The following MED12L variants were observed in gnomAD, a reference collection of about 807,000 sequenced individuals.
The protein encoded by MED12L is mediator of RNA polymerase II transcription subunit 12-like protein.
Under a neutral mutation model 281.3 loss-of-function variants are expected in MED12L, and 60 were observed. The ratio of observed to expected loss-of-function variants is 0.21; its 90% CI spans 0.17 to 0.26. The LOEUF (loss-of-function observed/expected upper bound fraction) is 0.26. MED12L is among the 10% of genes least tolerant of loss of function. The probability of loss-of-function intolerance (pLI) is 1.00; values close to 1 mark genes in which losing one functional copy is unlikely to be tolerated. For missense variants in MED12L, 2,146 were observed against 2,680.9 expected (o/e 0.80, Z 4.41); for synonymous variants, 974 against 987.2 (o/e 0.99, Z 0.25).
chr3:151,208,314 A>G (rs1212986053), intron 16 of MED12L, among the ~76,000 whole-genome samples: 1 of 152,228 alleles, frequency 6.6e-6, no homozygotes, highest in Non-Finnish European at 1.5e-5. Context: ...TCCTTTAGAA[A>G]GATAATGGTT....
intron 16 of MED12L, among the ~76,000 whole-genome samples, chr3:151,299,345 C>CTTCTTTCT: frequency 7.0e-6 from 1 of 142,132 alleles, no homozygotes; most frequent in East Asian, 2.1e-4. Flanking sequence ...TCTTTCTTTC[C>CTTCTTTCT]TTCCTTCCTT....
chr3:151,092,477 A>G (rs541358916), intron 2 of MED12L, among the ~76,000 whole-genome samples: 1 of 152,248 alleles, frequency 6.6e-6, no homozygotes, highest in Non-Finnish European at 1.5e-5. Flanking sequence ...GAAGAAATTA[A>G]TAAATGCAGA....
At chr3:151,387,205 T>C (rs1159478687) in intron 36 of MED12L, among the ~76,000 whole-genome samples, 1 of 151,974 alleles carries the variant, frequency 6.6e-6, no homozygotes, top group Non-Finnish European at 1.5e-5. Flanking sequence ...TAACCGTTTT[T>C]TTTTTTCTAG....
intron 16 of MED12L, among the ~76,000 whole-genome samples, chr3:151,309,838 G>A (rs1030544628): frequency 6.6e-5 from 10 of 152,284 alleles, no homozygotes; most frequent in Admixed American, 4.6e-4. Context: ...ATGGAATTTG[G>A]CCTCCTCTCT....
chr3:151,371,969 T>C (rs1247419257), intron 26 of MED12L, among the ~76,000 whole-genome samples: 1 of 152,228 alleles, frequency 6.6e-6, no homozygotes, highest in Non-Finnish European at 1.5e-5. Flanking sequence ...TTCTAATTTG[T>C]ATGTTACAGA....
At chr3:151,328,007 T>G (rs1445262301) in intron 16 of MED12L, 1 of 1,574,776 alleles carries the variant, frequency 6.4e-7, no homozygotes, top group African/African-American at 1.4e-5. Flanking sequence ...TAAGGTTATG[T>G]TGTCTGTCTG....
intron 16 of MED12L, among the ~76,000 whole-genome samples, chr3:151,238,188 C>A (rs1559919110): frequency 6.7e-6 from 1 of 149,958 alleles, no homozygotes; most frequent in Non-Finnish European, 1.5e-5. Context: ...GCTCTGTCAC[C>A]CAGGCTGGAG....
chr3:151,303,774 A>C (rs967242099), intron 16 of MED12L, among the ~76,000 whole-genome samples: 9 of 149,418 alleles, frequency 6.0e-5, no homozygotes, highest in Non-Finnish European at 1.1e-4. Context: ...AAACAAACAA[A>C]CAAACAAAAA....
At chr3:151,398,545 A>G (rs187815897) in intron 39 of MED12L, among the ~76,000 whole-genome samples, 1 of 152,362 alleles carries the variant, frequency 6.6e-6, no homozygotes, top group East Asian at 1.9e-4. Flanking sequence ...CTAGACAACA[A>G]GTGCTGAATA....
chr3:151,294,554 C>T (rs1260581846), intron 16 of MED12L: 1 of 1,614,144 alleles, frequency 6.2e-7, no homozygotes, highest in Non-Finnish European at 8.5e-7. Flanking sequence ...GTGGATGTAC[C>T]TGGATATGGC....
At chr3:151,199,844 T>C (rs1725273519) in intron 16 of MED12L, among the ~76,000 whole-genome samples, 1 of 152,078 alleles carries the variant, frequency 6.6e-6, no homozygotes, top group Non-Finnish European at 1.5e-5. Context: ...TTTTCTTGTT[T>C]TAGTTTTTTG....
intron 25 of MED12L, among the ~76,000 whole-genome samples, chr3:151,368,692 TTCATTTC>T (rs1755735584): frequency 2.7e-5 from 1 of 36,504 alleles, no homozygotes; most frequent in Non-Finnish European, 5.1e-5. Context: ...TTCATTTTAT[TTCATTTC>T]ATTTCATTTC....
chr3:151,390,224 G>T, intron 38 of MED12L, 89 bp downstream of exon 38: 1 of 1,327,718 alleles, frequency 7.5e-7, no homozygotes, highest in Non-Finnish European at 1.1e-6. Flanking sequence ...ACAAAACTTG[G>T]ACATTTCAAC....
chr3:151,179,137 C>A (rs936917606), intron 11 of MED12L, among the ~76,000 whole-genome samples: 12 of 152,112 alleles, frequency 7.9e-5, no homozygotes, highest in Admixed American at 7.2e-4. Context: ...GTCAGGAGAT[C>A]TAGACCAGTC....
At chr3:151,223,819 C>T (rs1328511476) in intron 16 of MED12L, among the ~76,000 whole-genome samples, 3 of 152,142 alleles carry the variant, frequency 2.0e-5, no homozygotes, top group Non-Finnish European at 4.4e-5. Flanking sequence ...CAAACTTGCA[C>T]ATGTAACTGT....
intron 16 of MED12L, among the ~76,000 whole-genome samples, chr3:151,262,373 T>C (rs1334038652): frequency 6.6e-6 from 1 of 152,214 alleles, no homozygotes; most frequent in African/African-American, 2.4e-5. Flanking sequence ...GTGGGAAGAA[T>C]TTGCACACTG....
chr3:151,199,256 G>A (rs766785001), intron 16 of MED12L: 4 of 1,613,832 alleles, frequency 2.5e-6, no homozygotes, highest in South Asian at 2.2e-5. Flanking sequence ...CCTGTGATTC[G>A]TATTCTTCTG....
intron 16 of MED12L, among the ~76,000 whole-genome samples, chr3:151,239,650 CA>C (rs1733675348): frequency 1.3e-5 from 2 of 152,286 alleles, no homozygotes; most frequent in African/African-American, 4.8e-5. Context: ...TAGGTATACA[CA>C]AAAGCTCTTT....
chr3:151,392,706 C>T (rs919418728), intron 38 of MED12L, among the ~76,000 whole-genome samples: 1 of 151,856 alleles, frequency 6.6e-6, no homozygotes, highest in African/African-American at 2.4e-5. Context: ...ATATACACAC[C>T]AGTATTATAA....
Sources: gnomAD v4.1 joint callset for allele counts (sites outside exome capture counted in the v4.1 genomes callset) on GRCh38, gnomAD v4.1.1 for gene constraint, MANE v1.5 for transcripts, NCBI Gene and HGNC (gene_info 2026-07-23, HGNC 2026-07-21) for gene names.